Variants in LMO1 observed in about 807,000 individuals in gnomAD.
LMO1 encodes the protein rhombotin-1.
Under a neutral mutation model 18.0 loss-of-function variants are expected in LMO1, and 10 were observed. The observed-to-expected ratio is 0.55, with a 90% CI of 0.34 to 0.94. The LOEUF (loss-of-function observed/expected upper bound fraction) is 0.94. LMO1 is among the 40% of genes least tolerant of loss of function. The pLI is 0.02. For synonymous variants in LMO1, 77 were observed against 77.9 expected (o/e 0.99, Z 0.06); for missense variants, 183 against 205.7 (o/e 0.89, Z 0.68).
At chr11:8,245,332 C>T (rs957585690) in intron 1 of LMO1, among the ~76,000 whole-genome samples, 1 of 152,146 alleles carries the variant, frequency 6.6e-6, no homozygotes, top group Non-Finnish European at 1.5e-5. Flanking sequence ...CAGGCTCTGC[C>T]ATCGACCCAT....
upstream of LMO1, chr11:8,263,934 T>TC: frequency 1.0e-6 from 1 of 957,668 alleles, no homozygotes; most frequent in Non-Finnish European, 1.3e-6. Flanking sequence ...GCCTCCACCC[T>TC]CCCGGGTTAA....
rs775443195 is a variant in LMO1, at chr11:8,227,105, C to T, written c.240-5G>A. On this transcript the variant is annotated splice_polypyrimidine_tract_variant and splice_region_variant and intron_variant, in intron 2 of 3. Transcript: ENST00000335790. ...TTCCCTGTGGTGCCAAAGAGCCTGC[C>T]GAGGGAAGGGCGCAGAGGACTCAGC... The T allele has an allele frequency of 1.1e-5, 17 of 1,612,126 alleles. No homozygotes were observed. Among genetic ancestry groups the T allele is most frequent in the South Asian group, 2.2e-5 (2 of 90,964 alleles).
At chr11:8,233,152 A>G (rs1590530003) in intron 1 of LMO1, among the ~76,000 whole-genome samples, 2 of 152,064 alleles carry the variant, frequency 1.3e-5, no homozygotes, top group Admixed American at 1.3e-4. Context: ...GCTCTGGAGA[A>G]CTCTTATAGA....
At chr11:8,256,578 C>A (rs1294919052) in intron 1 of LMO1, among the ~76,000 whole-genome samples, 2 of 152,206 alleles carry the variant, frequency 1.3e-5, no homozygotes, top group Non-Finnish European at 2.9e-5. Context: ...TTTTAATTTG[C>A]CCCCAGTTGT....
intron 1 of LMO1, among the ~76,000 whole-genome samples, chr11:8,249,404 G>T (rs1846949880): frequency 6.6e-6 from 1 of 152,108 alleles, no homozygotes; most frequent in Non-Finnish European, 1.5e-5. Flanking sequence ...CCTCCCATTT[G>T]CTCTCCACAG....
In LMO1 at chr11:8,230,338, GGT is replaced by G; in HGVS notation, c.190_191del (p.Thr64ProfsTer79). The G allele has an allele frequency of 6.2e-7, 1 of 1,613,956 alleles. No homozygotes were observed. Among genetic ancestry groups the G allele is most frequent in the Non-Finnish European group, 8.5e-7 (1 of 1,179,958 alleles). ...CDCRLGEVGS[T>X]LYTKANLILC... ...GGATGAGGTTGGCCTTGGTGTAGAG[GGT>G]GGAGCCCACCTCGCCCAGGCGGCAG... is the stretch of plus-strand genomic sequence containing the variant. On this transcript the variant is annotated frameshift_variant, in exon 2 of 4. Transcript: ENST00000335790. LOFTEE classifies it high-confidence loss of function.
intron 1 of LMO1, among the ~76,000 whole-genome samples, chr11:8,231,257 C>T (rs1231057642): frequency 2.6e-5 from 4 of 152,242 alleles, no homozygotes; most frequent in Non-Finnish European, 5.9e-5. Flanking sequence ...AGGGCCCATA[C>T]CAGCTTCCCA....
chr11:8,251,179 G>A (rs1300886463), intron 1 of LMO1, among the ~76,000 whole-genome samples: 1 of 152,180 alleles, frequency 6.6e-6, no homozygotes, highest in African/African-American at 2.4e-5. Flanking sequence ...AAGGTATGAA[G>A]CCAGCAGCCA....
chr11:8,234,194 G>C (rs1051211322), intron 1 of LMO1, among the ~76,000 whole-genome samples: 1 of 152,148 alleles, frequency 6.6e-6, no homozygotes, highest in South Asian at 2.1e-4. Flanking sequence ...GCTGCTGGTG[G>C]AAGGAGGCAG....
chr11:8,227,992 C>T (rs972738181), intron 2 of LMO1, among the ~76,000 whole-genome samples: 2 of 152,220 alleles, frequency 1.3e-5, no homozygotes, highest in African/African-American at 4.8e-5. Context: ...TTTATTAAAT[C>T]TTTTTTCCAT....
chr11:8,228,926 C>T (rs1952600115), intron 2 of LMO1, among the ~76,000 whole-genome samples: 1 of 152,154 alleles, frequency 6.6e-6, no homozygotes, highest in Non-Finnish European at 1.5e-5. Flanking sequence ...CTTGCTCTGG[C>T]ACCCAAGCTG....
At chr11:8,233,386 A>G (rs1440030637) in intron 1 of LMO1, among the ~76,000 whole-genome samples, 1 of 152,150 alleles carries the variant, frequency 6.6e-6, no homozygotes, top group Non-Finnish European at 1.5e-5. Context: ...TCCAGAGCAT[A>G]TCCCCCTGGT....
upstream of LMO1, among the ~76,000 whole-genome samples, chr11:8,266,760 A>G (rs374604349): frequency 2.0e-4 from 31 of 152,226 alleles, no homozygotes; most frequent in Admixed American, 1.5e-3. Context: ...CCGACTAGAT[A>G]TTACAGAAGT....
At chr11:8,251,305 C>T (rs140781369) in intron 1 of LMO1, among the ~76,000 whole-genome samples, 88 of 152,302 alleles carry the variant, frequency 5.8e-4, no homozygotes, top group African/African-American at 1.8e-3. Flanking sequence ...TGGCTCCCAG[C>T]CCCGTGCTCA....
Position 8,227,088 on chromosome 11 carries a change from G to A in LMO1, c.252C>T (p.Thr84=). ...TGCTGCAAGCAGCACAGTTCCCTGT[G>A]GTGCCAAAGAGCCTGCCGAGGGAAG... The part of the protein sequence containing the change: ...CRRDYLRLFG[T]TGNCAACSKL... Residue 84 remains threonine, a synonymous_variant, in exon 3 of 4, where the codon ACC becomes ACT. Transcript: ENST00000335790. The A allele has an allele frequency of 2.5e-6, 4 of 1,613,378 alleles. No homozygotes were observed. Among genetic ancestry groups the A allele is most frequent in the Non-Finnish European group, 3.4e-6 (4 of 1,179,548 alleles).
At position 8,241,922 on chromosome 11, in the gene LMO1, T is replaced by C. The variant is rs557055817; in HGVS notation, c.26-11418A>G. On this transcript the variant is annotated intron_variant, in intron 1 of 3. Transcript: ENST00000335790. ...CCAGTGTTGTGCCCCACAGCAGTCA[T>C]TGTTTAGCCATCAGCTCAATTCATG... Among the ~76,000 whole-genome samples the C allele has an allele frequency of 3.3e-5, 5 of 152,326 alleles. No homozygotes were observed. The East Asian group carries it at 7.7e-4, about 23-fold the overall frequency.
chr11:8,263,428 C>T lies in LMO1; in HGVS notation c.-66G>A. ...GAGAAGGGCGCCGACTCGGGGCGCG[C>T]TTTGGAGGGGCGGCCGGTCTTCGGG... On this transcript the variant is annotated 5_prime_UTR_variant, in exon 1 of 4. Coordinates refer to ENST00000335790, the MANE Select transcript of LMO1 (RefSeq NM_002315.3). 6.3e-7 allele frequency: 1 copy of T among 1,586,650 alleles called. No individual in the cohort carries two copies. The highest frequency in any genetic ancestry group is 8.5e-7 in the Non-Finnish European group (1 of 1,172,306).
chr11:8,244,675 G>C (rs1004055666), intron 1 of LMO1, among the ~76,000 whole-genome samples: 1 of 152,226 alleles, frequency 6.6e-6, no homozygotes, highest in Non-Finnish European at 1.5e-5. Context: ...GGCTAACTGA[G>C]GCAGTCATGT....
intron 1 of LMO1, among the ~76,000 whole-genome samples, chr11:8,241,935 A>G (rs969782315): frequency 9.9e-5 from 15 of 152,208 alleles, no homozygotes; most frequent in African/African-American, 3.1e-4. Flanking sequence ...TTTAGCCATC[A>G]GCTCAATTCA....
Sources: gnomAD v4.1 joint callset for allele counts (sites outside exome capture counted in the v4.1 genomes callset) on GRCh38, gnomAD v4.1.1 for gene constraint, MANE v1.5 for transcripts, NCBI Gene and HGNC (gene_info 2026-07-23, HGNC 2026-07-21) for gene names.